FOXK1: variants seen among roughly 807,000 people sequenced by gnomAD.
FOXK1 encodes forkhead box K1.
In FOXK1, 19 loss-of-function variants were observed where a neutral mutation model predicts 51.9. The ratio of observed to expected loss-of-function variants is 0.37; its 90% CI spans 0.26 to 0.54. FOXK1 has a LOEUF of 0.54. Among genes scored for constraint, FOXK1 ranks in the 20% least tolerant of loss-of-function variants. The pLI is 0.87. For missense variants in FOXK1, 870 were observed against 1,032.7 expected, an observed-to-expected ratio of 0.84 and a Z score of 2.16; for synonymous variants, 537 against 482.6, an observed-to-expected ratio of 1.11 and a Z score of -1.48.
intron 1 of FOXK1, among the ~76,000 whole-genome samples, chr7:4,738,945 C>T (rs555932710): frequency 6.6e-6 from 1 of 151,208 alleles, no homozygotes. Context: ...TGAAGCGGGT[C>T]CCTGGGAAGA....
At chr7:4,700,810 C>T (rs1159658873) in intron 1 of FOXK1, among the ~76,000 whole-genome samples, 1 of 152,142 alleles carries the variant, frequency 6.6e-6, no homozygotes, top group Non-Finnish European at 1.5e-5. Context: ...GAGCAAGACC[C>T]TGTCTCAAAA....
chr7:4,760,990 C>G, intron 7 of FOXK1, 74 bp from the exon 8 acceptor site: 2 of 1,443,740 alleles, frequency 1.4e-6, no homozygotes, highest in South Asian at 2.3e-5. Context: ...CTTGTCCGAC[C>G]TGCTGCCCAG....
chr7:4,712,401 A>C (rs62453198), intron 1 of FOXK1, among the ~76,000 whole-genome samples: 5,853 of 152,226 alleles, frequency 0.038, 185 homozygotes, highest in East Asian at 0.14. Context: ...CCTTGGAGTG[A>C]AGGCTCCGCA....
At chr7:4,705,528 T>C (rs1303622039) in intron 1 of FOXK1, among the ~76,000 whole-genome samples, 1 of 143,088 alleles carries the variant, frequency 7.0e-6, no homozygotes, top group South Asian at 2.3e-4. Context: ...TCTCTCTCTC[T>C]CTCTCTCTCT....
intron 1 of FOXK1, among the ~76,000 whole-genome samples, chr7:4,721,592 T>TTC (rs1554251363): frequency 1.4e-5 from 2 of 140,526 alleles, no homozygotes; most frequent in African/African-American, 5.3e-5. Flanking sequence ...TTTTTTTCTT[T>TTC]TTTTTTTTTT....
intron 1 of FOXK1, among the ~76,000 whole-genome samples, chr7:4,724,561 A>G (rs79410014): frequency 0.015 from 2,256 of 152,090 alleles, 30 homozygotes; most frequent in Middle Eastern, 0.027. Flanking sequence ...AAGCATTTCT[A>G]TTTTGTCCAA....
chr7:4,693,222 G>T (rs1269659087), intron 1 of FOXK1, among the ~76,000 whole-genome samples: 1 of 152,120 alleles, frequency 6.6e-6, no homozygotes, highest in East Asian at 1.9e-4. Flanking sequence ...GTTTTATCCT[G>T]AGGTTCAGCT....
intron 1 of FOXK1, among the ~76,000 whole-genome samples, chr7:4,698,565 T>C (rs986776789): frequency 6.6e-6 from 1 of 152,282 alleles, no homozygotes; most frequent in South Asian, 2.1e-4. Flanking sequence ...GTTGTTGTTG[T>C]TGTTTGAGAT....
chr7:4,754,570 C>T lies in FOXK1; in HGVS notation c.858C>T (p.Ala286=), dbSNP rs763169832. The part of the protein sequence containing the change: ...LQLAAEFAAK[A]ASEQQADTSG... ...TGGCAGCAGAGTTTGCAGCAAAGGCCGCGTCGGAGCAGCAGGCAGACACGT... is the reference window on the plus strand; with the variant it reads ...TGGCAGCAGAGTTTGCAGCAAAGGCTGCGTCGGAGCAGCAGGCAGACACGT... Residue 286 remains alanine (A), a synonymous_variant, in exon 3 of 9, where the codon GCC becomes GCT. Transcript: ENST00000328914. The T allele has an allele frequency of 1.2e-5, 19 of 1,608,908 alleles. No individual in the cohort carries two copies. Among genetic ancestry groups the T allele is most frequent in the East Asian group, 4.5e-5 (2 of 44,898 alleles).
Position 4,711,519 on chromosome 7 carries a change from G to A in FOXK1, c.560+28651G>A, listed in dbSNP as rs767602668. 3.3e-5 allele frequency among the ~76,000 whole-genome samples: 5 copies of A among 152,200 alleles called. No homozygotes were observed. The highest frequency in any genetic ancestry group is 5.9e-5 in the Non-Finnish European group (4 of 68,026). ...GCAAGTGAAGAGTGTGAAGAGGTGT[G>A]CCCCATCCCATGGCCACTGGAGAAC... On this transcript the variant is annotated intron_variant, in intron 1 of 8. Coordinates refer to ENST00000328914, the MANE Select transcript of FOXK1 (RefSeq NM_001037165.2). This position sits in a 1 kb window ranked among gnomAD's most constrained non-coding sequence, Gnocchi z 6.3.
rs1780505039 is a variant in FOXK1 at position 4,733,179 on chromosome 7, C to T, written c.561-7659C>T. ...GTTTGTTTCTTTTATACGTGACGGTCTTTTTTTTTTTAATTTTATTATTTT... is the reference window on the plus strand; with the variant it reads ...GTTTGTTTCTTTTATACGTGACGGTTTTTTTTTTTTTAATTTTATTATTTT... On this transcript the variant is annotated intron_variant, in intron 1 of 8. Transcript: ENST00000328914. This position sits in a 1 kb window ranked among gnomAD's most constrained non-coding sequence, Gnocchi z 5.0. Among the ~76,000 whole-genome samples, 1 of 147,328 alleles carries T rather than the reference C, an allele frequency of 6.8e-6. No homozygotes were observed. The highest frequency in any genetic ancestry group is 1.5e-5 in the Non-Finnish European group (1 of 66,320).
intron 1 of FOXK1, among the ~76,000 whole-genome samples, chr7:4,737,565 T>TGTGA (rs1780570804): frequency 6.6e-6 from 1 of 151,518 alleles, no homozygotes; most frequent in Admixed American, 6.6e-5. Context: ...TGTGTGTGTG[T>TGTGA]GTGTGTGTGC....
In FOXK1 at chr7:4,760,924, A is replaced by G. The variant is rs1057185295; in HGVS notation, c.1697-140A>G. The G allele has an allele frequency of 2.8e-5, 20 of 708,792 alleles. 1 individual carries two copies. The highest frequency in any genetic ancestry group is 2.3e-4 in the South Asian group (14 of 61,112). The allele number at this position is 708,792 out of a possible 1,614,324, so 43.9% of individuals were successfully genotyped here. On this transcript the variant is annotated intron_variant, in intron 7 of 8. Coordinates refer to ENST00000328914, the MANE Select transcript of FOXK1 (RefSeq NM_001037165.2). ...TTTTCTTCCCAAACCTATTTCACCC[A>G]TGGGATTTTCCTCTAGCAAACCTAT...
intron 1 of FOXK1, among the ~76,000 whole-genome samples, chr7:4,726,646 C>G (rs533291897): frequency 5.6e-4 from 85 of 151,484 alleles, no homozygotes; most frequent in Admixed American, 1.1e-3. Context: ...CGTGCCTGGG[C>G]CTTGGAGGTG....
rs1479437944 is a variant in FOXK1 at position 4,748,769 on chromosome 7, T to G, written c.747-5690T>G. On this transcript the variant is annotated intron_variant, in intron 2 of 8. Coordinates refer to ENST00000328914, the MANE Select transcript of FOXK1 (RefSeq NM_001037165.2). This position sits in a 1 kb window ranked among gnomAD's most constrained non-coding sequence, Gnocchi z 4.9. ...TCACTTTGTTGCCCAGGCTGGTACT[T>G]CTGGGCTCAAGCGAGCCTCCTGCCT... Among the ~76,000 whole-genome samples, 3 of 152,118 alleles carry G rather than the reference T, an allele frequency of 2.0e-5. No homozygotes were observed. The highest frequency in any genetic ancestry group is 7.2e-5 in the African/African-American group (3 of 41,418).
In FOXK1 at chr7:4,755,475, C is replaced by A; in HGVS notation, c.1050+92C>A. 6.6e-7 allele frequency: 1 copy of A among 1,515,908 alleles called. No individual in the cohort carries two copies. The highest frequency in any genetic ancestry group is 8.9e-7 in the Non-Finnish European group (1 of 1,120,672). 93.9% of individuals were successfully genotyped at this position (1,515,908 alleles called of 1,614,324 possible). A position where few individuals can be genotyped will look rare whatever the true frequency, so the allele number is the denominator to read the frequency against. ...TTGCTTCCCTTAAAACAGAAGAGGG[C>A]CAGTGAGGGGGCTCACGCCTGGAAC... On this transcript the variant is annotated intron_variant, in intron 4 of 8. Transcript: ENST00000328914. The surrounding 1 kb of genome is among the most constrained non-coding windows in gnomAD (Gnocchi z 6.6).
chr7:4,713,615 C>T (rs147599689), intron 1 of FOXK1, among the ~76,000 whole-genome samples: 7,392 of 151,866 alleles, frequency 0.049, 234 homozygotes, highest in Middle Eastern at 0.095. Context: ...CCTTAGCCTC[C>T]CGAGTTGCTG....
intron 2 of FOXK1, among the ~76,000 whole-genome samples, chr7:4,742,764 T>G (rs1178960369): frequency 6.6e-6 from 1 of 152,224 alleles, no homozygotes; most frequent in Non-Finnish European, 1.5e-5. Flanking sequence ...AACTACACAC[T>G]GGCTTCTCTT....
chr7:4,764,170 G>C lies in FOXK1; in HGVS notation c.*1706G>C, dbSNP rs1469719321. Reference sequence around the variant, plus strand: ...CGGGAGGACACACGTGCTGTGCAGTGGAGTGGGGTCGCCCGTGGCCCCCAT... The same window carrying C: ...CGGGAGGACACACGTGCTGTGCAGTCGAGTGGGGTCGCCCGTGGCCCCCAT... On this transcript the variant is annotated 3_prime_UTR_variant, in exon 9 of 9. Coordinates refer to ENST00000328914, the MANE Select transcript of FOXK1 (RefSeq NM_001037165.2). 6.5e-6 allele frequency: 1 copy of C among 153,340 alleles called. No homozygotes were observed. The highest frequency in any genetic ancestry group is 1.5e-5 in the Non-Finnish European group (1 of 68,316). The allele number at this position is 153,340 out of a possible 1,614,324, so 9.5% of individuals were successfully genotyped here. A position where few individuals can be genotyped will look rare whatever the true frequency, so the allele number is the denominator to read the frequency against.
Sources: gnomAD v4.1 joint callset for allele counts (sites outside exome capture counted in the v4.1 genomes callset) on GRCh38, gnomAD v4.1.1 for gene constraint, Gnocchi (gnomAD v3.1) non-coding constraint, MANE v1.5 for transcripts, NCBI Gene and HGNC (gene_info 2026-07-23, HGNC 2026-07-21) for gene names.